TASP1: variants seen among roughly 807,000 people sequenced by gnomAD.
TASP1 encodes taspase 1, also known as threonine aspartase 1.
Under a neutral mutation model 56.6 loss-of-function variants are expected in TASP1, and 16 were observed. That is an observed-to-expected ratio of 0.28 (90% CI 0.19 to 0.43). The LOEUF (loss-of-function observed/expected upper bound fraction) is 0.43. TASP1 is among the 20% of genes least tolerant of loss of function. The pLI is 1.00. For missense variants in TASP1, 393 were observed against 511.6 expected, an observed-to-expected ratio of 0.77 and a Z score of 2.24; for synonymous variants, 179 against 184.2, an observed-to-expected ratio of 0.97 and a Z score of 0.23.
chr20:13,273,285 G>A, the TASP1 span, among the ~76,000 whole-genome samples: 5 of 137,150 alleles, frequency 3.6e-5, no homozygotes, highest in Non-Finnish European at 7.7e-5. Flanking sequence ...CCTATGCTAC[G>A]GTACAGTTGT....
At chr20:13,258,793 C>T in the TASP1 span, among the ~76,000 whole-genome samples, 1 of 152,168 alleles carries the variant, frequency 6.6e-6, no homozygotes, top group Non-Finnish European at 1.5e-5. Flanking sequence ...TGGTGCATGG[C>T]CTTCTGTTCT....
chr20:13,295,719 A>C, the TASP1 span, among the ~76,000 whole-genome samples: 1 of 152,334 alleles, frequency 6.6e-6, no homozygotes, highest in East Asian at 1.9e-4. Context: ...AGAAGAAAGG[A>C]AGGCAGGCTC....
chr20:13,604,129 G>A (rs1320944327), intron 4 of TASP1, among the ~76,000 whole-genome samples: 1 of 152,098 alleles, frequency 6.6e-6, no homozygotes, highest in Non-Finnish European at 1.5e-5. Context: ...ATTCAGAGTT[G>A]AACCCAATCT....
At chr20:13,555,374 A>T (rs1735383632) in intron 8 of TASP1, among the ~76,000 whole-genome samples, 1 of 98,532 alleles carries the variant, frequency 1.0e-5, no homozygotes, top group Admixed American at 1.3e-4. Flanking sequence ...ACAGATCAAG[A>T]CTCCCTCTAA....
At chr20:13,310,415 A>G in the TASP1 span, among the ~76,000 whole-genome samples, 11 of 152,218 alleles carry the variant, frequency 7.2e-5, no homozygotes, top group Admixed American at 4.6e-4. Flanking sequence ...CCCACATATA[A>G]TAGTCAACTC....
the TASP1 span, among the ~76,000 whole-genome samples, chr20:13,358,170 T>C: frequency 3.3e-5 from 5 of 152,348 alleles, no homozygotes; most frequent in Admixed American, 3.3e-4. Context: ...CCTTTGACTG[T>C]AATTTTCCTT....
chr20:13,484,894 A>G (rs2043269291), intron 10 of TASP1, among the ~76,000 whole-genome samples: 2 of 152,132 alleles, frequency 1.3e-5, no homozygotes, highest in Non-Finnish European at 2.9e-5. Flanking sequence ...AAAACTAAGC[A>G]CTGCATGTTC....
At chr20:13,584,722 A>G (rs1212879159) in intron 5 of TASP1, among the ~76,000 whole-genome samples, 1 of 152,212 alleles carries the variant, frequency 6.6e-6, no homozygotes, top group Non-Finnish European at 1.5e-5. Context: ...GGTATCATAC[A>G]TAGTATATTC....
the TASP1 span, among the ~76,000 whole-genome samples, chr20:13,368,999 A>T: frequency 6.6e-6 from 1 of 152,248 alleles, no homozygotes; most frequent in South Asian, 2.1e-4. Context: ...AAATAAATTA[A>T]TACAGATATA....
chr20:13,309,993 A>C, the TASP1 span, among the ~76,000 whole-genome samples: 1 of 152,238 alleles, frequency 6.6e-6, no homozygotes, highest in African/African-American at 2.4e-5. Context: ...AAGAATTTAT[A>C]TCACAAAAAT....
chr20:13,234,610 A>G, the TASP1 span, among the ~76,000 whole-genome samples: 1 of 152,206 alleles, frequency 6.6e-6, no homozygotes, highest in Non-Finnish European at 1.5e-5. Flanking sequence ...GTCCTCGCCA[A>G]CATATGTTGC....
At position 13,433,841 on chromosome 20, in the gene TASP1, T is replaced by TAAAAAAAAAAAAAAAAA. The variant is rs111973613; in HGVS notation, c.1096+1186_1096+1202dup. On this transcript the variant is annotated intron_variant, in intron 12 of 13. Coordinates refer to ENST00000337743, the MANE Select transcript of TASP1 (RefSeq NM_017714.3). Reference sequence around the variant, plus strand: ...CGTGGATGACCTATAGTGTTTGTATTAAAAAAAAAAAAAAAAAAACAGAAG... The same window carrying TAAAAAAAAAAAAAAAAA: ...CGTGGATGACCTATAGTGTTTGTATTAAAAAAAAAAAAAAAAAAAAAAAAAAAAAAAAAAAACAGAAG... Among the ~76,000 whole-genome samples, 16 of 116,152 alleles carry TAAAAAAAAAAAAAAAAA rather than the reference T, an allele frequency of 1.4e-4. 1 individual carries two copies. The highest frequency in any genetic ancestry group is 5.0e-4 in the African/African-American group (15 of 29,852). 76.2% of individuals were successfully genotyped at this position (116,152 alleles called of 152,430 possible).
chr20:13,371,147 T>C, the TASP1 span, among the ~76,000 whole-genome samples: 1 of 152,170 alleles, frequency 6.6e-6, no homozygotes, highest in East Asian at 1.9e-4. Flanking sequence ...CTATTGTTTT[T>C]CAATTCGTTA....
At chr20:13,300,897 C>A in the TASP1 span, among the ~76,000 whole-genome samples, 1 of 152,340 alleles carries the variant, frequency 6.6e-6, no homozygotes, top group East Asian at 1.9e-4. Flanking sequence ...GAAGCCAAAC[C>A]AGAGCAAAGG....
intron 10 of TASP1, among the ~76,000 whole-genome samples, chr20:13,525,644 G>C (rs1207635336): frequency 6.6e-6 from 1 of 152,156 alleles, no homozygotes; most frequent in African/African-American, 2.4e-5. Context: ...TTCTGCAGCA[G>C]CCTAAGGCAC....
chr20:13,535,476 G>A (rs1358946933), intron 8 of TASP1, among the ~76,000 whole-genome samples: 1 of 152,154 alleles, frequency 6.6e-6, no homozygotes, highest in Non-Finnish European at 1.5e-5. Flanking sequence ...TAGTTTGATA[G>A]GAAATGCTGA....
intron 10 of TASP1, among the ~76,000 whole-genome samples, chr20:13,514,442 G>C (rs2044448421): frequency 6.6e-6 from 1 of 152,128 alleles, no homozygotes; most frequent in South Asian, 2.1e-4. Context: ...TAGCATAGCT[G>C]TGTGTTTCTC....
At chr20:13,625,858 A>G (rs752001948) in intron 2 of TASP1, among the ~76,000 whole-genome samples, 1 of 152,216 alleles carries the variant, frequency 6.6e-6, no homozygotes, top group Non-Finnish European at 1.5e-5. Context: ...ATGACTCTCT[A>G]TGAGAATTCC....
chr20:13,147,951 C>A, the TASP1 span, among the ~76,000 whole-genome samples: 2 of 152,176 alleles, frequency 1.3e-5, no homozygotes, highest in African/African-American at 4.8e-5. Context: ...GAAAATAGAC[C>A]ATGACAATGG....
Sources: gnomAD v4.1 joint callset for allele counts (sites outside exome capture counted in the v4.1 genomes callset) on GRCh38, gnomAD v4.1.1 for gene constraint, MANE v1.5 for transcripts, NCBI Gene and HGNC (gene_info 2026-07-23, HGNC 2026-07-21) for gene names.